The following ANO4 variants were observed in gnomAD, a reference collection of about 807,000 sequenced individuals.
ANO4 encodes the protein anoctamin-4.
A neutral mutation model predicts 141.9 loss-of-function variants in ANO4; 69 were observed. That is an observed-to-expected ratio of 0.49 (90% confidence interval 0.40 to 0.59). The LOEUF (loss-of-function observed/expected upper bound fraction) is 0.59. ANO4 is among the 20% of genes least tolerant of loss of function. The pLI, the probability that ANO4 is intolerant of heterozygous loss-of-function variation, is 0.00. For missense variants in ANO4, 894 were observed against 1,162.2 expected (o/e 0.77, Z 3.36); for synonymous variants, 350 against 394.3 (o/e 0.89, Z 1.33).
intron 1 of ANO4, among the ~76,000 whole-genome samples, chr12:100,898,259 T>C (rs1242497456): frequency 6.6e-6 from 1 of 152,236 alleles, no homozygotes; most frequent in Non-Finnish European, 1.5e-5. Context: ...TGGCTGACAA[T>C]TCATTTCTAA....
At chr12:100,861,508 A>G (rs899876022) in intron 1 of ANO4, among the ~76,000 whole-genome samples, 1 of 152,226 alleles carries the variant, frequency 6.6e-6, no homozygotes, top group African/African-American at 2.4e-5. Flanking sequence ...ACACTTGTAT[A>G]GGACATTTAC....
chr12:101,097,110 T>G (rs915938726), intron 19 of ANO4, among the ~76,000 whole-genome samples: 1 of 152,096 alleles, frequency 6.6e-6, no homozygotes, highest in African/African-American at 2.4e-5. Flanking sequence ...TTATGAGGAT[T>G]TGGGAAAGAT....
intron 3 of ANO4, among the ~76,000 whole-genome samples, chr12:100,935,855 A>G (rs1407602214): frequency 6.6e-6 from 1 of 152,222 alleles, no homozygotes; most frequent in East Asian, 1.9e-4. Context: ...GTTTGAATCA[A>G]AGATTTTATT....
chr12:100,914,277 C>G (rs891533522), intron 2 of ANO4, among the ~76,000 whole-genome samples: 1 of 152,180 alleles, frequency 6.6e-6, no homozygotes, highest in African/African-American at 2.4e-5. Flanking sequence ...TTATTATTTC[C>G]ATTTTAGACC....
Position 101,038,256 on chromosome 12 carries a change from C to T in ANO4, c.897+1106C>T, listed in dbSNP as rs531747509. 3.3e-5 allele frequency among the ~76,000 whole-genome samples: 5 copies of T among 152,264 alleles called. No individual in the cohort carries two copies. In the East Asian group the frequency reaches 9.6e-4, roughly 29 times the overall value. ...TTCTGAACTCTAAAGACATACTGTT[C>T]CCCAAAACATCATGTGGCTTCATCA... On this transcript the variant is annotated intron_variant, in intron 10 of 27. Coordinates refer to ENST00000392977, the MANE Select transcript of ANO4 (RefSeq NM_001286615.2).
At position 100,972,441 on chromosome 12, in the gene ANO4, G is replaced by A. The variant is rs933726702; in HGVS notation, c.557+1035G>A. Among the ~76,000 whole-genome samples the A allele has an allele frequency of 2.6e-5, 4 of 152,234 alleles. No homozygotes were observed. The South Asian group carries it at 8.3e-4, about 32-fold the overall frequency. ...TATGTCCTAATACCAAGTCAAAATA[G>A]AGGCTATGATTTCTAGCATCTGTTT... On this transcript the variant is annotated intron_variant, in intron 6 of 27. Coordinates refer to ENST00000392977, the MANE Select transcript of ANO4 (RefSeq NM_001286615.2).
Position 100,971,381 on chromosome 12 carries a change from C to A in ANO4, c.532C>A (p.Gln178Lys). The A allele has an allele frequency of 6.2e-7, 1 of 1,607,018 alleles. No individual in the cohort carries two copies. Among genetic ancestry groups the A allele is most frequent in the Non-Finnish European group, 8.5e-7 (1 of 1,174,754 alleles). The change falls in exon 6 of 28, where the codon CAA (glutamine) becomes AAA (lysine). Residue 178 changes from glutamine (Q) to lysine (K), a missense_variant. Physicochemically the swap from Gln to Lys is moderately conservative, Grantham distance 53 (BLOSUM62 1). This residue lies in a region of ANO4 where 257 missense variants were observed against 253.0 expected (regional missense o/e 1.02). Transcript: ENST00000392977. ...PWEVLGRYAEQMNVRMPFRRK... is the reference protein window; with the variant it reads ...PWEVLGRYAEKMNVRMPFRRK... The stretch of plus-strand genomic sequence containing the variant: ...GGAAGTCCTTGGAAGATATGCAGAA[C>A]AAATGAATGTAAGAATGCCTTTCAG...
At chr12:100,756,813 G>A (rs1018050452) in intron 3 of ANO4, among the ~76,000 whole-genome samples, 30 of 152,036 alleles carry the variant, frequency 2.0e-4, no homozygotes, top group African/African-American at 6.8e-4. Context: ...ATGTCAGTGC[G>A]TCTCAAATGC....
At chr12:100,830,354 A>G (rs2036571920) in intron 1 of ANO4, among the ~76,000 whole-genome samples, 1 of 152,102 alleles carries the variant, frequency 6.6e-6, no homozygotes, top group Non-Finnish European at 1.5e-5. Flanking sequence ...TAGGGGATTA[A>G]TTAGAAGATG....
intron 19 of ANO4, 37 bp downstream of exon 19, chr12:101,096,684 G>T: frequency 6.7e-7 from 1 of 1,498,998 alleles, no homozygotes. Context: ...CCCAAGCTGA[G>T]GACAGAACAC....
At position 100,866,752 on chromosome 12, in the gene ANO4, T is replaced by C. The variant is rs546820831; in HGVS notation, c.-140-34894T>C. Among the ~76,000 whole-genome samples, 6 of 152,302 alleles carry C rather than the reference T, an allele frequency of 3.9e-5. 1 individual carries two copies. The highest frequency in any genetic ancestry group is 1.4e-4 in the African/African-American group (6 of 41,576). The stretch of plus-strand genomic sequence containing the variant: ...ATAGAGATGAGAAGCAAAAATTCTG[T>C]AAGTGGATAGTTAGTGATTAGGGTT... On this transcript the variant is annotated intron_variant, in intron 1 of 27. Transcript: ENST00000392977.
Position 100,775,622 on chromosome 12 carries a change from T to C in ANO4, c.358+35517T>C, listed in dbSNP as rs761200168. Reference sequence around the variant, plus strand: ...AAAACGATATGGATCTTTACCATTATGTTGTTTGAAGTATTAAATGAAATA... The same window carrying C: ...AAAACGATATGGATCTTTACCATTACGTTGTTTGAAGTATTAAATGAAATA... On this transcript the variant is annotated intron_variant, in intron 3 of 29. Transcript: ENST00000644049. Among the ~76,000 whole-genome samples, 51 of 152,202 alleles carry C rather than the reference T, an allele frequency of 3.4e-4. 1 individual carries two copies. The highest frequency in any genetic ancestry group is 2.0e-3 in the Admixed American group (30 of 15,282).
chr12:100,745,724 A>G (rs902152675), intron 3 of ANO4, among the ~76,000 whole-genome samples: 1 of 152,212 alleles, frequency 6.6e-6, no homozygotes, highest in Non-Finnish European at 1.5e-5. Context: ...AGATAATAGA[A>G]TGTATATATA....
intron 9 of ANO4, among the ~76,000 whole-genome samples, chr12:101,034,214 A>G (rs578049753): frequency 6.6e-6 from 1 of 152,362 alleles, no homozygotes; most frequent in Admixed American, 6.5e-5. Context: ...CACTGTTCAC[A>G]ATAGCAAAGT....
chr12:100,798,908 C>G (rs2034512670), intron 1 of ANO4, among the ~76,000 whole-genome samples: 1 of 152,200 alleles, frequency 6.6e-6, no homozygotes, highest in Admixed American at 6.5e-5. Flanking sequence ...TGTGAGCCAG[C>G]AGCCATTCTT....
chr12:101,128,530 G>A lies in ANO4; in HGVS notation c.*674G>A, dbSNP rs2051419829. The A allele has an allele frequency of 6.6e-6, 1 of 152,558 alleles. No homozygotes were observed. Among genetic ancestry groups the A allele is most frequent in the African/African-American group, 2.4e-5 (1 of 41,434 alleles). The allele number at this position is 152,558 out of a possible 1,614,324, so 9.5% of individuals were successfully genotyped here. On this transcript the variant is annotated 3_prime_UTR_variant, in exon 28 of 28. Coordinates refer to ENST00000392977, the MANE Select transcript of ANO4 (RefSeq NM_001286615.2). ...GTAAATAGCCAAAAAGTACTGACATGAGTGAATTTTCACATTTAAATAGTC... is the reference window on the plus strand; with the variant it reads ...GTAAATAGCCAAAAAGTACTGACATAAGTGAATTTTCACATTTAAATAGTC...
intron 1 of ANO4, among the ~76,000 whole-genome samples, chr12:100,718,453 TG>T (rs1184942436): frequency 9.2e-5 from 14 of 152,294 alleles, no homozygotes; most frequent in Middle Eastern, 6.8e-3. Flanking sequence ...GAGCAATTGA[TG>T]GGGAATGTTC....
At chr12:100,811,616 G>A (rs2035440639) in intron 1 of ANO4, among the ~76,000 whole-genome samples, 1 of 152,182 alleles carries the variant, frequency 6.6e-6, no homozygotes, top group Non-Finnish European at 1.5e-5. Flanking sequence ...CATTTCCACA[G>A]TGTGAGATGA....
chr12:100,722,745 T>C (rs1473382567), intron 1 of ANO4, among the ~76,000 whole-genome samples: 1 of 152,210 alleles, frequency 6.6e-6, no homozygotes, highest in African/African-American at 2.4e-5. Context: ...GACCAGTACT[T>C]GGGTGTGTGA....
Sources: gnomAD v4.1 joint callset for allele counts (sites outside exome capture counted in the v4.1 genomes callset) on GRCh38, gnomAD v4.1.1 for gene constraint, gnomAD v4.1.1 regional missense constraint, MANE v1.5 for transcripts, NCBI Gene and HGNC (gene_info 2026-07-23, HGNC 2026-07-21) for gene names.